SLC25A25: variants seen among roughly 807,000 people sequenced by gnomAD.
SLC25A25 encodes the protein solute carrier family 25 member 25, also known as mitochondrial adenyl nucleotide antiporter SLC25A25.
SLC25A25 carries 32 observed loss-of-function variants against 57.7 expected under a neutral mutation model. The ratio of observed to expected loss-of-function variants is 0.55; its 90% CI spans 0.42 to 0.74. The LOEUF (loss-of-function observed/expected upper bound fraction) is 0.74, where lower values mean the gene tolerates loss of function less well. Ranked by LOEUF, SLC25A25 falls within the 30% of genes least tolerant of loss-of-function variation. The probability of loss-of-function intolerance (pLI) is 0.00; values close to 1 mark genes in which losing one functional copy is unlikely to be tolerated. For synonymous variants in SLC25A25, 306 were observed against 291.2 expected, an observed-to-expected ratio of 1.05 and a Z score of -0.52; for missense variants, 556 against 701.3, an observed-to-expected ratio of 0.79 and a Z score of 2.34.
chr9:128,107,018 TCTC>T lies in SLC25A25; in HGVS notation c.1213-8_1213-6del. ...TCCTAGGGCTTATCCCATGCTCCCTTCTCCTTCTAGACGCTCAAGAATGCCTGG... is the reference window on the plus strand; with the variant it reads ...TCCTAGGGCTTATCCCATGCTCCCTTCTTCTAGACGCTCAAGAATGCCTGG... On this transcript the variant is annotated splice_polypyrimidine_tract_variant and splice_region_variant and intron_variant, in intron 9 of 10. Transcript: ENST00000373069. The T allele has an allele frequency of 1.9e-6, 3 of 1,612,496 alleles. No individual in the cohort carries two copies. Among genetic ancestry groups the T allele is most frequent in the South Asian group, 1.1e-5 (1 of 91,000 alleles).
At chr9:128,087,101 G>A (rs1833293510) in intron 1 of SLC25A25, among the ~76,000 whole-genome samples, 1 of 151,910 alleles carries the variant, frequency 6.6e-6, no homozygotes, top group Non-Finnish European at 1.5e-5. Flanking sequence ...TGTAATCCCA[G>A]CTACTTGGGA....
intron 1 of SLC25A25, among the ~76,000 whole-genome samples, chr9:128,078,025 C>CAA (rs879465169): frequency 1.6e-5 from 2 of 123,358 alleles, no homozygotes; most frequent in Non-Finnish European, 1.8e-5. Context: ...GACTCTGTCT[C>CAA]AAAAAAAAAA....
In SLC25A25 at chr9:128,099,224, GC is replaced by G; in HGVS notation, c.262-1868del. On this transcript the variant is annotated intron_variant, in intron 1 of 10. Transcript: ENST00000373069. This position sits in a 1 kb window ranked among gnomAD's most constrained non-coding sequence, Gnocchi z 6.8. The stretch of plus-strand genomic sequence containing the variant: ...GGAAGCCGAGCTGCAGAGTCCGGAG[GC>G]CCCTTGCCACCTCGGCTTCTCGGTT... The G allele has an allele frequency of 7.8e-7, 1 of 1,288,644 alleles. No individual in the cohort carries two copies. The highest frequency in any genetic ancestry group is 5.6e-5 in the East Asian group (1 of 17,810). The allele number at this position is 1,288,644 out of a possible 1,614,324, so 79.8% of individuals were successfully genotyped here.
rs770283258 is a variant in SLC25A25, at chr9:128,106,267, C to T, written c.1044+10C>T. The T allele has an allele frequency of 1.5e-5, 24 of 1,613,752 alleles. No homozygotes were observed. The highest frequency in any genetic ancestry group is 2.7e-5 in the African/African-American group (2 of 74,692). On this transcript the variant is annotated intron_variant, in intron 8 of 10. Transcript: ENST00000373069. The stretch of plus-strand genomic sequence containing the variant: ...CATCTACCCAATGGAGGTGAGGGGC[C>T]GCCTGGGTCCTGGGGCGGGCAGTGG...
At chr9:128,091,928 G>A (rs1279622189) in intron 1 of SLC25A25, 8 of 1,613,460 alleles carry the variant, frequency 5.0e-6, no homozygotes, top group African/African-American at 2.7e-5. Context: ...TGGGTGCCAC[G>A]GCTCCAGAGA....
At chr9:128,097,884 C>T (rs1047812401) in intron 1 of SLC25A25, among the ~76,000 whole-genome samples, 1 of 152,232 alleles carries the variant, frequency 6.6e-6, no homozygotes, top group South Asian at 2.1e-4. Flanking sequence ...TGGAGGGCTG[C>T]AGGTTCCCTG....
At chr9:128,070,396 C>A (rs559810236) in intron 1 of SLC25A25, among the ~76,000 whole-genome samples, 1 of 151,406 alleles carries the variant, frequency 6.6e-6, no homozygotes, top group East Asian at 2.0e-4. Flanking sequence ...CCGCGCCCGG[C>A]CACCCAGCTA....
chr9:128,068,324 T>C lies in SLC25A25; in HGVS notation c.5T>C (p.Val2Ala). The change falls in exon 1 of 11, where the codon GTG becomes GCG. Residue 2 changes from valine (V) to alanine (A), a missense_variant. Transcript: ENST00000373069. M[V>A]SSVLCRCVAS... ...GGAGCCCCTGCCTCGCGCCCGATGGTGAGCAGTGTGTTGTGCCGCTGTGTG... is the reference window on the plus strand; with the variant it reads ...GGAGCCCCTGCCTCGCGCCCGATGGCGAGCAGTGTGTTGTGCCGCTGTGTG... 1 of 1,483,246 alleles carries C rather than the reference T, an allele frequency of 6.7e-7. No individual in the cohort carries two copies. The highest frequency in any genetic ancestry group is 8.9e-7 in the Non-Finnish European group (1 of 1,121,754). 91.9% of individuals were successfully genotyped at this position (1,483,246 alleles called of 1,614,324 possible). A position where few individuals can be genotyped will look rare whatever the true frequency, so the allele number is the denominator to read the frequency against.
In SLC25A25 at chr9:128,103,392, C is replaced by T. The variant is rs1268514017; in HGVS notation, c.625-289C>T. ...CCTGTGAGCTGTTCTTGCAGTAGCTCCCTGGCAGCATTGGAAAGGGCCGGT... is the reference window on the plus strand; with the variant it reads ...CCTGTGAGCTGTTCTTGCAGTAGCTTCCTGGCAGCATTGGAAAGGGCCGGT... On this transcript the variant is annotated intron_variant, in intron 5 of 10. Coordinates refer to ENST00000373069, the MANE Select transcript of SLC25A25 (RefSeq NM_001330988.2). The surrounding 1 kb of genome is among the most constrained non-coding windows in gnomAD (Gnocchi z 6.7). Among the ~76,000 whole-genome samples, 2 of 152,236 alleles carry T rather than the reference C, an allele frequency of 1.3e-5. No individual in the cohort carries two copies. Among genetic ancestry groups the T allele is most frequent in the Non-Finnish European group, 1.5e-5 (1 of 68,046 alleles).
At chr9:128,081,443 A>G (rs2130791675) in intron 1 of SLC25A25, among the ~76,000 whole-genome samples, 1 of 152,310 alleles carries the variant, frequency 6.6e-6, no homozygotes, top group East Asian at 1.9e-4. Flanking sequence ...GGGTGGGTAC[A>G]ACAAGTAGGC....
chr9:128,090,018 T>C (rs1007041796), intron 1 of SLC25A25, among the ~76,000 whole-genome samples: 1 of 152,112 alleles, frequency 6.6e-6, no homozygotes, highest in Non-Finnish European at 1.5e-5. Context: ...TCGCAAGATA[T>C]AAGAGGATGT....
chr9:128,106,032 C>A, intron 7 of SLC25A25, 118 bp from the exon 8 acceptor site: 1 of 1,535,090 alleles, frequency 6.5e-7, no homozygotes, highest in Non-Finnish European at 8.9e-7. Flanking sequence ...AGGCTCACCA[C>A]GAGTTCCTTA....
rs570313080 is a variant in SLC25A25, at chr9:128,085,546, G to GCT, written c.262-15549_262-15548dup. 1.6e-4 allele frequency among the ~76,000 whole-genome samples: 25 copies of GCT among 152,250 alleles called. 1 individual carries two copies. In the South Asian group the frequency reaches 1.9e-3, roughly 11 times the overall value. ...ATTTCCATCGATTCCTGTCTTAGGT[G>GCT]CTGGTCTAGGGAAGTTTAAGATAAA... On this transcript the variant is annotated intron_variant, in intron 1 of 10. Transcript: ENST00000373069.
At chr9:128,091,968 C>T (rs2130803043) in intron 1 of SLC25A25, 5 of 1,613,954 alleles carry the variant, frequency 3.1e-6, no homozygotes, top group African/African-American at 2.7e-5. Context: ...AGAGGCACCC[C>T]AGCCCCTGCC....
rs748156705 is a variant in SLC25A25, at chr9:128,099,169, G to A, written c.262-1927G>A. 8.0e-6 allele frequency: 10 copies of A among 1,249,920 alleles called. No individual in the cohort carries two copies. The highest frequency in any genetic ancestry group is 9.3e-6 in the Non-Finnish European group (9 of 972,660). 77.4% of individuals were successfully genotyped at this position (1,249,920 alleles called of 1,614,324 possible). A position where few individuals can be genotyped will look rare whatever the true frequency, so the allele number is the denominator to read the frequency against. ...TTCTCGACTCTCAGACATCGCTGTG[G>A]AACAGGGCCTGTGTCTGCCCTGAAA... On this transcript the variant is annotated intron_variant, in intron 1 of 10. Transcript: ENST00000373069. The surrounding 1 kb of genome is among the most constrained non-coding windows in gnomAD (Gnocchi z 6.8).
In SLC25A25 at chr9:128,102,932, TG is replaced by T. The variant is rs1833869652; in HGVS notation, c.624+453del. On this transcript the variant is annotated intron_variant, in intron 5 of 10. Coordinates refer to ENST00000373069, the MANE Select transcript of SLC25A25 (RefSeq NM_001330988.2). This position sits in a 1 kb window ranked among gnomAD's most constrained non-coding sequence, Gnocchi z 4.1. ...GCTGCCCTCTCGCCCCCGTCCACTG[TG>T]GTTTCATGTTCAGAAATGTGAGTCT... 6.6e-6 allele frequency among the ~76,000 whole-genome samples: 1 copy of T among 152,146 alleles called. No individual in the cohort carries two copies. Among genetic ancestry groups the T allele is most frequent in the Admixed American group, 6.5e-5 (1 of 15,276 alleles).
At chr9:128,074,521 CAACATGGTGA>C (rs1258127676) in intron 1 of SLC25A25, among the ~76,000 whole-genome samples, 1 of 151,586 alleles carries the variant, frequency 6.6e-6, no homozygotes, top group Non-Finnish European at 1.5e-5. Flanking sequence ...CCTGCCTGGC[CAACATGGTGA>C]AACCCCATCT....
intron 1 of SLC25A25, chr9:128,091,792 T>TA: frequency 6.6e-7 from 1 of 1,510,050 alleles, no homozygotes; most frequent in Non-Finnish European, 8.8e-7. Context: ...AGCAGCTGTG[T>TA]AGCCAGAGAG....
chr9:128,094,633 T>C (rs1588771314), intron 1 of SLC25A25, among the ~76,000 whole-genome samples: 1 of 152,194 alleles, frequency 6.6e-6, no homozygotes, highest in Non-Finnish European at 1.5e-5. Flanking sequence ...GCCTGAGTCA[T>C]TGCAGAGGAG....
Sources: gnomAD v4.1 joint callset for allele counts (sites outside exome capture counted in the v4.1 genomes callset) on GRCh38, gnomAD v4.1.1 for gene constraint, Gnocchi (gnomAD v3.1) non-coding constraint, MANE v1.5 for transcripts, NCBI Gene and HGNC (gene_info 2026-07-23, HGNC 2026-07-21) for gene names.